The following AAK1 variants were observed in gnomAD, a reference collection of about 807,000 sequenced individuals.
AAK1 encodes the protein AP2 associated kinase 1.
A neutral mutation model predicts 116.0 loss-of-function variants in AAK1; 37 were observed. The observed-to-expected ratio is 0.32, with a 90% CI of 0.25 to 0.42. The LOEUF is 0.42. Ranked by LOEUF, AAK1 falls within the 10% of genes least tolerant of loss-of-function variation. The probability of loss-of-function intolerance (pLI) is 1.00; values close to 1 mark genes in which losing one functional copy is unlikely to be tolerated. For synonymous variants in AAK1, 458 were observed against 439.9 expected (o/e 1.04, Z -0.51); for missense variants, 919 against 1,170.6 (o/e 0.79, Z 3.14).
In AAK1 at chr2:69,462,654, C is replaced by T. The variant is rs1164808268; in HGVS notation, c.*13215G>A. The T allele has an allele frequency of 4.0e-5, 6 of 150,346 alleles. No individual in the cohort carries two copies. The highest frequency in any genetic ancestry group is 2.7e-4 in the Admixed American group (4 of 15,044). The allele number at this position is 150,346 out of a possible 1,614,324, so 9.3% of individuals were successfully genotyped here. ...TCACACCACTGCACTCCCGCCTGAG[C>T]GACAGAGCAAGACGCCGTCTTGAAA... On this transcript the variant is annotated 3_prime_UTR_variant, in exon 22 of 22. Coordinates refer to ENST00000409085, the MANE Select transcript of AAK1 (RefSeq NM_014911.5).
chr2:69,589,608 C>G (rs1672940087), intron 2 of AAK1, among the ~76,000 whole-genome samples: 1 of 150,154 alleles, frequency 6.7e-6, no homozygotes, highest in African/African-American at 2.5e-5. Flanking sequence ...ACTTGGGAGG[C>G]TGAGGCAGGA....
At chr2:69,494,058 C>T (rs1404476257) in intron 17 of AAK1, among the ~76,000 whole-genome samples, 2 of 152,170 alleles carry the variant, frequency 1.3e-5, no homozygotes, top group African/African-American at 4.8e-5. Context: ...AACTGTCTGA[C>T]TTATGTTTTC....
At chr2:69,640,494 T>C (rs1376910719) in intron 2 of AAK1, among the ~76,000 whole-genome samples, 1 of 152,232 alleles carries the variant, frequency 6.6e-6, no homozygotes, top group East Asian at 1.9e-4. Flanking sequence ...TGTGTGAATG[T>C]ATGCCTCATC....
intron 13 of AAK1, among the ~76,000 whole-genome samples, chr2:69,513,398 C>A (rs1251774573): frequency 2.0e-5 from 3 of 151,958 alleles, no homozygotes; most frequent in African/African-American, 7.3e-5. Flanking sequence ...CCACTCACTG[C>A]AAGCTCCACC....
intron 2 of AAK1, among the ~76,000 whole-genome samples, chr2:69,618,483 C>T (rs1674439306): frequency 6.6e-6 from 1 of 152,184 alleles, no homozygotes. Flanking sequence ...CCATATTTTC[C>T]TACGCCTCAG....
intron 6 of AAK1, among the ~76,000 whole-genome samples, chr2:69,531,081 G>A (rs182411814): frequency 6.6e-6 from 1 of 152,290 alleles, no homozygotes; most frequent in Non-Finnish European, 1.5e-5. Flanking sequence ...GCTCAACACA[G>A]AGATGTAATA....
intron 2 of AAK1, among the ~76,000 whole-genome samples, chr2:69,620,766 C>T (rs114249509): frequency 6.6e-6 from 1 of 152,194 alleles, no homozygotes; most frequent in East Asian, 1.9e-4. Flanking sequence ...TACTAAGCTA[C>T]CCCTTAAATG....
At chr2:69,638,419 C>G (rs925894646) in intron 2 of AAK1, among the ~76,000 whole-genome samples, 3 of 152,210 alleles carry the variant, frequency 2.0e-5, no homozygotes, top group Non-Finnish European at 4.4e-5. Context: ...TGCTCCCTTT[C>G]CCCACAATTG....
chr2:69,630,313 T>C (rs1031740200), intron 2 of AAK1, among the ~76,000 whole-genome samples: 1 of 107,564 alleles, frequency 9.3e-6, no homozygotes, highest in African/African-American at 3.6e-5. Flanking sequence ...TCTGGGGGTT[T>C]GTGAATACTC....
At chr2:69,509,533 T>C in intron 13 of AAK1, 73 bp from the exon 14 acceptor site, 1 of 1,302,540 alleles carries the variant, frequency 7.7e-7, no homozygotes, top group Non-Finnish European at 1.0e-6. Context: ...AACAGATAAG[T>C]GTAACAACAA....
intron 17 of AAK1, among the ~76,000 whole-genome samples, chr2:69,490,059 T>G (rs964760723): frequency 1.3e-5 from 2 of 152,156 alleles, no homozygotes; most frequent in African/African-American, 4.8e-5. Flanking sequence ...TGAATTGCCA[T>G]AAACCAAGAG....
chr2:69,549,137 G>C (rs1438626020), intron 3 of AAK1, among the ~76,000 whole-genome samples: 1 of 152,160 alleles, frequency 6.6e-6, no homozygotes. Context: ...GGGAGGCCAA[G>C]GTGGGTGGAT....
intron 3 of AAK1, among the ~76,000 whole-genome samples, chr2:69,551,928 C>T (rs1229984877): frequency 3.3e-5 from 5 of 152,176 alleles, no homozygotes; most frequent in African/African-American, 1.2e-4. Context: ...TGCAACGTGC[C>T]CGTTGTTCTG....
chr2:69,525,071 G>A lies in AAK1; in HGVS notation c.1017C>T (p.Ala339=). 6.2e-7 allele frequency: 1 copy of A among 1,613,960 alleles called. No individual in the cohort carries two copies. Among genetic ancestry groups the A allele is most frequent in the Non-Finnish European group, 8.5e-7 (1 of 1,179,862 alleles). Residue 339 remains alanine, a synonymous_variant, in exon 10 of 22, where the codon GCC becomes GCT. Coordinates refer to ENST00000409085, the MANE Select transcript of AAK1 (RefSeq NM_014911.5). ...IPAKLPEPVK[A]SEAAAKKTQP... ...GGGTCTTTTTTGCAGCTGCCTCACTGGCTTTCACTGGTTCAGGAAGCTTTG... is the reference window on the plus strand; with the variant it reads ...GGGTCTTTTTTGCAGCTGCCTCACTAGCTTTCACTGGTTCAGGAAGCTTTG...
At chr2:69,592,001 C>T (rs1239941285) in intron 2 of AAK1, among the ~76,000 whole-genome samples, 1 of 152,188 alleles carries the variant, frequency 6.6e-6, no homozygotes, top group Non-Finnish European at 1.5e-5. Flanking sequence ...CAGTTACCCT[C>T]TCCTGGTTCT....
In AAK1 at chr2:69,473,189, G is replaced by T; in HGVS notation, c.*2680C>A. 1 of 788,418 alleles carries T rather than the reference G, an allele frequency of 1.3e-6. No homozygotes were observed. Among genetic ancestry groups the T allele is most frequent in the Admixed American group, 6.2e-5 (1 of 16,038 alleles). The allele number at this position is 788,418 out of a possible 1,614,324, so 48.8% of individuals were successfully genotyped here. ...CAGTGGCTGGCAAGGGCCAGGATGA[G>T]ATCCCAGGTGGCCTGTCCTGCCCAG... On this transcript the variant is annotated 3_prime_UTR_variant, in exon 22 of 22. Transcript: ENST00000409085.
Position 69,643,619 on chromosome 2 carries a change from A to G in AAK1, c.-279T>C. The G allele has an allele frequency of 1.6e-6, 2 of 1,228,406 alleles. No individual in the cohort carries two copies. The highest frequency in any genetic ancestry group is 2.0e-6 in the Non-Finnish European group (2 of 986,008). The allele number at this position is 1,228,406 out of a possible 1,614,324, so 76.1% of individuals were successfully genotyped here. On this transcript the variant is annotated 5_prime_UTR_variant, in exon 1 of 22. It removes an upstream start codon present in the reference 5' UTR. Coordinates refer to ENST00000409085, the MANE Select transcript of AAK1 (RefSeq NM_014911.5). ...GGCGCCCTGCTACCAGCCCCGCGAC[A>G]TTGTCACGGCCGCCGGGCCGGCCTG... is the stretch of plus-strand genomic sequence containing the variant.
At chr2:69,522,348 T>C (rs1669823359) in intron 10 of AAK1, among the ~76,000 whole-genome samples, 1 of 152,248 alleles carries the variant, frequency 6.6e-6, no homozygotes, top group Non-Finnish European at 1.5e-5. Flanking sequence ...AGGTCCATCC[T>C]GGGCCCAGAA....
At chr2:69,529,784 T>C (rs1572928793) in intron 8 of AAK1, among the ~76,000 whole-genome samples, 1 of 152,296 alleles carries the variant, frequency 6.6e-6, no homozygotes, top group Middle Eastern at 3.4e-3. Context: ...GGATTTCTGC[T>C]TGGGTGGCTG....
Sources: gnomAD v4.1 joint callset for allele counts (sites outside exome capture counted in the v4.1 genomes callset) on GRCh38, gnomAD v4.1.1 for gene constraint, MANE v1.5 for transcripts, NCBI Gene and HGNC (gene_info 2026-07-23, HGNC 2026-07-21) for gene names.